Variants in CC2D2B observed in about 807,000 individuals in gnomAD.
CC2D2B encodes the protein protein CC2D2B.
CC2D2B carries 128 observed loss-of-function variants against 161.2 expected under a neutral mutation model. The observed-to-expected ratio is 0.79, with a 90% CI of 0.69 to 0.92. The LOEUF is 0.92. Ranked by LOEUF, CC2D2B falls within the 40% of genes least tolerant of loss-of-function variation. The pLI is 0.00. For missense variants in CC2D2B, 1,173 were observed against 1,375.1 expected, an observed-to-expected ratio of 0.85 and a Z score of 2.32; for synonymous variants, 391 against 449.8, an observed-to-expected ratio of 0.87 and a Z score of 1.65.
Position 96,029,274 on chromosome 10 carries a change from ATATATATATATG to A in CC2D2B, c.4125+1897_4125+1908del, listed in dbSNP as rs1403412319. 3.4e-3 allele frequency among the ~76,000 whole-genome samples: 218 copies of A among 65,040 alleles called. 1 individual carries two copies. Among genetic ancestry groups the A allele is most frequent in the East Asian group, 3.7e-3 (4 of 1,080 alleles). 42.7% of individuals were successfully genotyped at this position (65,040 alleles called of 152,430 possible). On this transcript the variant is annotated intron_variant, in intron 34 of 34. Coordinates refer to ENST00000646931, the MANE Select transcript of CC2D2B (RefSeq NM_001349008.3). ...TATATATATATATATATATATATAT[ATATATATATATG>A]TATATATATATATATATATGTATAT...
intron 25 of CC2D2B, among the ~76,000 whole-genome samples, chr10:96,007,557 T>C (rs924533178): frequency 2.0e-5 from 3 of 152,164 alleles, no homozygotes; most frequent in African/African-American, 7.2e-5. Flanking sequence ...TGCTCAGCTC[T>C]GTTGTTGCTG....
intron 6 of CC2D2B, among the ~76,000 whole-genome samples, chr10:95,934,676 C>T (rs1405557785): frequency 3.3e-5 from 5 of 152,090 alleles, no homozygotes; most frequent in African/African-American, 9.7e-5. Context: ...CTGGGTGAGG[C>T]GGTGCCCCAC....
intron 20 of CC2D2B, 69 bp from the exon 21 acceptor site, chr10:95,991,301 T>G (rs1359895912): frequency 2.3e-6 from 1 of 443,256 alleles, no homozygotes; most frequent in African/African-American, 2.0e-5. Flanking sequence ...CTGGCACCGG[T>G]AGCATTGTAA....
At position 96,033,166 on chromosome 10, in the gene CC2D2B, T is replaced by C. The variant is rs10509699; in HGVS notation, c.*1158T>C. On this transcript the variant is annotated 3_prime_UTR_variant, in exon 35 of 35. Coordinates refer to ENST00000646931, the MANE Select transcript of CC2D2B (RefSeq NM_001349008.3). ...CCCATTGAAGAACCACTGAGGTTTC[T>C]TGGTTCACTCCCACAAGCAGAGAGC... Among the ~76,000 whole-genome samples the C allele has an allele frequency of 0.069, 10,459 of 152,214 alleles. 1,005 individuals carry two copies. The highest frequency in any genetic ancestry group is 0.49 in the East Asian group (2,537 of 5,160).
Position 95,983,603 on chromosome 10 carries a change from C to T in CC2D2B, c.2083-3C>T, listed in dbSNP as rs1191936279. 4.1e-6 allele frequency: 5 copies of T among 1,221,254 alleles called. No individual in the cohort carries two copies. Among genetic ancestry groups the T allele is most frequent in the South Asian group, 4.1e-5 (1 of 24,116 alleles). The allele number at this position is 1,221,254 out of a possible 1,614,324, so 75.7% of individuals were successfully genotyped here. On this transcript the variant is annotated splice_polypyrimidine_tract_variant and splice_region_variant and intron_variant, in intron 18 of 34. Coordinates refer to ENST00000646931, the MANE Select transcript of CC2D2B (RefSeq NM_001349008.3). ...TTTTAACTAAAGACTTTGCGTTTTA[C>T]AGTACATGAGACTTAAGGGGCAGGA...
At chr10:95,964,423 T>G (rs2076871595) in intron 12 of CC2D2B, among the ~76,000 whole-genome samples, 1 of 152,204 alleles carries the variant, frequency 6.6e-6, no homozygotes, top group Admixed American at 6.6e-5. Flanking sequence ...AATGCTTCCC[T>G]GGTGATTTTA....
intron 16 of CC2D2B, among the ~76,000 whole-genome samples, 185 bp downstream of exon 16, chr10:95,972,401 A>C (rs1380101612): frequency 1.3e-5 from 2 of 152,160 alleles, no homozygotes; most frequent in East Asian, 3.8e-4. Context: ...AGCTCACTGC[A>C]ACCTCCACCT....
At chr10:95,955,215 G>A (rs891088623) in intron 10 of CC2D2B, among the ~76,000 whole-genome samples, 179 bp from the exon 11 acceptor site, 2 of 151,708 alleles carry the variant, frequency 1.3e-5, no homozygotes, top group African/African-American at 4.8e-5. Flanking sequence ...AGATATTGAG[G>A]CCTTTCTCAG....
At chr10:95,999,967 G>A (rs1590821518) in intron 24 of CC2D2B, 1 of 694,110 alleles carries the variant, frequency 1.4e-6, no homozygotes, top group East Asian at 4.0e-5. Flanking sequence ...GAGCACTTAT[G>A]TGCTCAATAC....
chr10:95,990,723 C>T (rs1014554102), intron 20 of CC2D2B, among the ~76,000 whole-genome samples: 1 of 152,160 alleles, frequency 6.6e-6, no homozygotes, highest in African/African-American at 2.4e-5. Flanking sequence ...AAATTGCCTC[C>T]AGACATGCTT....
intron 17 of CC2D2B, among the ~76,000 whole-genome samples, chr10:95,977,200 C>T (rs1178098725): frequency 6.6e-6 from 1 of 152,128 alleles, no homozygotes; most frequent in Non-Finnish European, 1.5e-5. Flanking sequence ...TGGAGTGGAA[C>T]CCCATCTCTA....
intron 12 of CC2D2B, among the ~76,000 whole-genome samples, 196 bp from the exon 13 acceptor site, chr10:95,965,700 C>A (rs2076916021): frequency 6.6e-6 from 1 of 151,640 alleles, no homozygotes; most frequent in Admixed American, 6.6e-5. Context: ...TATCTGAAAG[C>A]CGAGAACAAG....
chr10:95,995,281 G>T lies in CC2D2B; in HGVS notation c.2655G>T (p.Met885Ile). ...GTTTTTCCTGAAGATCCTTGGATAT[G>T]CCTACTTGTTTGAAATCATCTATAT... ...RKTTINGSLD[M>I]PTCLKSSISC... Residue 885 changes from methionine (M) to isoleucine (I), a missense_variant, in exon 23 of 35, where the codon ATG becomes ATT. This residue lies in a region of CC2D2B where 598 missense variants were observed against 693.2 expected (regional missense o/e 0.86). Coordinates refer to ENST00000646931, the MANE Select transcript of CC2D2B (RefSeq NM_001349008.3). 6.6e-7 allele frequency: 1 copy of T among 1,522,896 alleles called. No homozygotes were observed. Among genetic ancestry groups the T allele is most frequent in the Non-Finnish European group, 8.8e-7 (1 of 1,139,326 alleles). The allele number at this position is 1,522,896 out of a possible 1,614,324, so 94.3% of individuals were successfully genotyped here.
At chr10:95,928,907 T>C (rs2098544508) in intron 6 of CC2D2B, among the ~76,000 whole-genome samples, 1 of 152,214 alleles carries the variant, frequency 6.6e-6, no homozygotes, top group Admixed American at 6.5e-5. Context: ...TTATAATCCT[T>C]TGGGTATATA....
chr10:96,011,820 A>G (rs2079005600), intron 26 of CC2D2B, among the ~76,000 whole-genome samples: 1 of 152,110 alleles, frequency 6.6e-6, no homozygotes, highest in African/African-American at 2.4e-5. Context: ...TCTTGCTGTT[A>G]CATATTTTCT....
chr10:95,922,501 C>T (rs553500259), intron 3 of CC2D2B, among the ~76,000 whole-genome samples: 89 of 152,152 alleles, frequency 5.8e-4, no homozygotes, highest in Non-Finnish European at 8.4e-4. Context: ...ATAAACAAAA[C>T]CAACTAGTAA....
chr10:95,995,058 A>G (rs1209166061), intron 22 of CC2D2B, among the ~76,000 whole-genome samples: 1 of 152,194 alleles, frequency 6.6e-6, no homozygotes, highest in East Asian at 1.9e-4. Flanking sequence ...TCTAATCCAT[A>G]GTTCAATATT....
Position 95,996,521 on chromosome 10 carries a change from C to T in CC2D2B, c.2849+269C>T, listed in dbSNP as rs538043016. 1.8e-3 allele frequency among the ~76,000 whole-genome samples: 281 copies of T among 152,024 alleles called. 1 individual carries two copies. Among genetic ancestry groups the T allele is most frequent in the Non-Finnish European group, 3.2e-3 (219 of 67,962 alleles). ...CCAGCTTAAAAACATGTAATATTACCAACACCTTAGAAGGCCCTTTGTGCC... is the reference window on the plus strand; with the variant it reads ...CCAGCTTAAAAACATGTAATATTACTAACACCTTAGAAGGCCCTTTGTGCC... On this transcript the variant is annotated intron_variant, in intron 24 of 34. Transcript: ENST00000646931.
intron 3 of CC2D2B, 52 bp downstream of exon 3, chr10:95,922,128 G>T: frequency 4.1e-6 from 4 of 967,196 alleles, no homozygotes; most frequent in South Asian, 1.7e-5. Context: ...TATTTTTAAA[G>T]ATGTAAATGA....
Sources: allele counts gnomAD v4.1 joint callset (sites outside exome capture counted in the v4.1 genomes callset), GRCh38; gene constraint gnomAD v4.1.1; regional missense constraint gnomAD v4.1.1; transcripts MANE v1.5; gene names NCBI Gene and HGNC (gene_info 2026-07-23, HGNC 2026-07-21).